SHANK1: variants seen among roughly 807,000 people sequenced by gnomAD.
SHANK1 encodes the protein SH3 and multiple ankyrin repeat domains protein 1.
Under a neutral mutation model 165.6 loss-of-function variants are expected in SHANK1, and 35 were observed. The ratio of observed to expected loss-of-function variants is 0.21; its 90% confidence interval spans 0.16 to 0.28. The LOEUF (loss-of-function observed/expected upper bound fraction) is 0.28, where lower values mean the gene tolerates loss of function less well. Among genes scored for constraint, SHANK1 ranks in the 10% least tolerant of loss-of-function variants. The pLI is 1.00. For synonymous variants in SHANK1, 1,428 were observed against 1,384.8 expected, an observed-to-expected ratio of 1.03 and a Z score of -0.69; for missense variants, 2,681 against 3,036.4, an observed-to-expected ratio of 0.88 and a Z score of 2.75.
chr19:50,708,609 A>C (rs2088973141), intron 8 of SHANK1, among the ~76,000 whole-genome samples: 1 of 151,216 alleles, frequency 6.6e-6, no homozygotes, highest in African/African-American at 2.4e-5. Context: ...AAGGATGAGG[A>C]TGGAGGATGT....
chr19:50,692,521 C>T (rs1043708213), intron 15 of SHANK1, among the ~76,000 whole-genome samples: 9 of 148,990 alleles, frequency 6.0e-5, no homozygotes, highest in South Asian at 2.1e-4. Flanking sequence ...GGTCCAACCA[C>T]ATCCAGACCC....
intron 21 of SHANK1, among the ~76,000 whole-genome samples, chr19:50,678,000 G>A (rs1986033936): frequency 6.6e-6 from 1 of 152,176 alleles, no homozygotes; most frequent in Admixed American, 6.5e-5. Flanking sequence ...AAAGATAAAG[G>A]CAGTAGAGAA....
chr19:50,691,926 C>T (rs577955736), intron 15 of SHANK1, among the ~76,000 whole-genome samples: 1 of 152,230 alleles, frequency 6.6e-6, no homozygotes, highest in South Asian at 2.1e-4. Context: ...CTTAAGCAGG[C>T]CTCCCACCTC....
intron 8 of SHANK1, among the ~76,000 whole-genome samples, chr19:50,706,174 T>A: frequency 1.9e-5 from 1 of 52,022 alleles, no homozygotes; most frequent in Non-Finnish European, 4.3e-5. Context: ...AAAGGGGGGG[T>A]TGGGGGGGCT....
At chr19:50,698,023 C>A in intron 12 of SHANK1, 67 bp from the exon 13 acceptor site, 1 of 1,127,508 alleles carries the variant, frequency 8.9e-7, no homozygotes, top group Non-Finnish European at 1.3e-6. Flanking sequence ...TGCCAACACA[C>A]TCAACTTAGA....
chr19:50,697,866 T>C lies in SHANK1; in HGVS notation c.1838A>G (p.Asn613Ser), dbSNP rs779973784. 61 of 1,613,880 alleles carry C rather than the reference T, an allele frequency of 3.8e-5. No homozygotes were observed. The highest frequency in any genetic ancestry group is 4.9e-5 in the Non-Finnish European group (58 of 1,179,954). The stretch of plus-strand genomic sequence containing the variant: ...ACCTTGCTTGCTCTCCTGAGAGCGA[T>C]TCGCCACTTCTTCCAGGCAGTCAGA... Reference protein sequence around the residue: ...FPSDCLEEVANRSQESKQESR... With the variant: ...FPSDCLEEVASRSQESKQESR... The change falls in exon 13 of 24, where the codon AAT becomes AGT. Residue 613 changes from asparagine to serine, a missense_variant. Asn to Ser is a conservative substitution (Grantham distance 46). This residue lies in a region of SHANK1 where 147 missense variants were observed against 256.5 expected (regional missense o/e 0.57). Transcript: ENST00000293441. The surrounding 1 kb of genome is among the most constrained non-coding windows in gnomAD (Gnocchi z 4.7).
In SHANK1 at chr19:50,662,055, C is replaced by T. The variant is rs1335881050; in HGVS notation, c.6396G>A (p.Leu2132=). The T allele has an allele frequency of 1.2e-6, 2 of 1,614,074 alleles. No individual in the cohort carries two copies. Among genetic ancestry groups the T allele is most frequent in the Non-Finnish European group, 1.7e-6 (2 of 1,180,048 alleles). ...CTAGATCGACGTAGTCCTCCTTGGT[C>T]AAGGCGGGCAGGTGGGAGCCATCGA... The part of the protein sequence containing the change: ...HEIDGSHLPA[L]TKEDYVDLGV... Residue 2132 remains leucine (L), a synonymous_variant, in exon 24 of 24, where the codon TTG becomes TTA. Coordinates refer to ENST00000293441, the MANE Select transcript of SHANK1 (RefSeq NM_016148.5). The surrounding 1 kb of genome is among the most constrained non-coding windows in gnomAD (Gnocchi z 7.7).
intron 23 of SHANK1, 49 bp downstream of exon 23, chr19:50,666,143 T>C (rs369466131): frequency 1.9e-5 from 28 of 1,491,360 alleles, no homozygotes; most frequent in Non-Finnish European, 2.3e-5. Context: ...GACACAGCCA[T>C]GCCATCAACA....
At position 50,668,004 on chromosome 19, in the gene SHANK1, G is replaced by A; in HGVS notation, c.3956C>T (p.Ala1319Val). The change falls in exon 23 of 24, where the codon GCC (alanine) becomes GTC (valine). Residue 1319 changes from alanine to valine, a missense_variant. Ala to Val is a moderately conservative substitution (Grantham distance 64). Coordinates refer to ENST00000293441, the MANE Select transcript of SHANK1 (RefSeq NM_016148.5). ...GYGGYGAGSR[A>V]YGGGGGSSAF... Reference sequence around the variant, plus strand: ...GCTGCTGCCCCCGCCACCCCCGTAGGCTCGGCTACCGGCCCCGTAGCCGCC... The same window carrying A: ...GCTGCTGCCCCCGCCACCCCCGTAGACTCGGCTACCGGCCCCGTAGCCGCC... 1 of 1,474,092 alleles carries A rather than the reference G, an allele frequency of 6.8e-7. No homozygotes were observed. Among genetic ancestry groups the A allele is most frequent in the Non-Finnish European group, 8.9e-7 (1 of 1,118,404 alleles). The allele number at this position is 1,474,092 out of a possible 1,614,324, so 91.3% of individuals were successfully genotyped here.
chr19:50,684,424 C>G (rs569594908), intron 21 of SHANK1, among the ~76,000 whole-genome samples: 2 of 152,170 alleles, frequency 1.3e-5, no homozygotes, highest in Non-Finnish European at 2.9e-5. Context: ...TGGGGTTTCT[C>G]CACGTTGGTC....
At chr19:50,697,000 ACCT>A in intron 15 of SHANK1, 93 bp downstream of exon 15, 1 of 1,002,664 alleles carries the variant, frequency 1.0e-6, no homozygotes, top group Non-Finnish European at 1.6e-6. Flanking sequence ...ACACCAAGAA[ACCT>A]CAGCTCTGGT....
chr19:50,664,791 G>T (rs1302465089), intron 23 of SHANK1, among the ~76,000 whole-genome samples: 1 of 152,016 alleles, frequency 6.6e-6, no homozygotes, highest in Non-Finnish European at 1.5e-5. Flanking sequence ...GTCTCACTCT[G>T]TCACCCAGGC....
rs554335230 is a variant in SHANK1 at position 50,671,288 on chromosome 19, A to G, written c.2674+730T>C. 3.7e-4 allele frequency among the ~76,000 whole-genome samples: 50 copies of G among 135,416 alleles called. 1 individual carries two copies. The highest frequency in any genetic ancestry group is 1.4e-3 in the African/African-American group (48 of 34,838). The allele number at this position is 135,416 out of a possible 152,430, so 88.8% of individuals were successfully genotyped here. A position where few individuals can be genotyped will look rare whatever the true frequency, so the allele number is the denominator to read the frequency against. ...AAGCTCTGCCTTCCGGGTTCACGCC[A>G]TTCTCCTGCCTCAGCCTCCTGAGTA... On this transcript the variant is annotated intron_variant, in intron 22 of 23. Transcript: ENST00000293441.
Position 50,667,201 on chromosome 19 carries a change from C to G in SHANK1, c.4759G>C (p.Gly1587Arg). 6.3e-7 allele frequency: 1 copy of G among 1,575,784 alleles called. No homozygotes were observed. Among genetic ancestry groups the G allele is most frequent in the Non-Finnish European group, 8.6e-7 (1 of 1,168,436 alleles). Residue 1587 changes from glycine to arginine, a missense_variant, in exon 23 of 24, where the codon GGG becomes CGG. Gly to Arg is a moderately radical substitution (Grantham distance 125). Around this residue, in one of 10 missense-constraint regions of SHANK1, gnomAD observed 1,713 missense variants for 1,630.2 expected, o/e 1.05. Coordinates refer to ENST00000293441, the MANE Select transcript of SHANK1 (RefSeq NM_016148.5). The surrounding 1 kb of genome is among the most constrained non-coding windows in gnomAD (Gnocchi z 5.7). ...FEKPESPLTP[G>R]PPHPLPDTPA... Reference sequence around the variant, plus strand: ...GTGTCGGGCAGCGGGTGGGGAGGCCCAGGCGTGAGGGGCGACTCTGGCTTT... The same window carrying G: ...GTGTCGGGCAGCGGGTGGGGAGGCCGAGGCGTGAGGGGCGACTCTGGCTTT...
At position 50,718,448 on chromosome 19, in the gene SHANK1, G is replaced by C. The variant is rs2089093667; in HGVS notation, c.-44+958C>G. ...GGCCGGTGGGATGAAAGAAAAGCTGGCTAGGGCCCCCCGCGCGTACGGCTG... is the reference window on the plus strand; with the variant it reads ...GGCCGGTGGGATGAAAGAAAAGCTGCCTAGGGCCCCCCGCGCGTACGGCTG... On this transcript the variant is annotated intron_variant, in intron 1 of 23. Coordinates refer to ENST00000293441, the MANE Select transcript of SHANK1 (RefSeq NM_016148.5). This position sits in a 1 kb window ranked among gnomAD's most constrained non-coding sequence, Gnocchi z 5.1. Among the ~76,000 whole-genome samples, 1 of 151,980 alleles carries C rather than the reference G, an allele frequency of 6.6e-6. No homozygotes were observed. Among genetic ancestry groups the C allele is most frequent in the African/African-American group, 2.4e-5 (1 of 41,372 alleles).
rs1568427409 is a variant in SHANK1, at chr19:50,667,581, A to T, written c.4379T>A (p.Leu1460Gln). 2.1e-6 allele frequency: 3 copies of T among 1,443,108 alleles called. No individual in the cohort carries two copies. Among genetic ancestry groups the T allele is most frequent in the Non-Finnish European group, 2.7e-6 (3 of 1,109,856 alleles). The allele number at this position is 1,443,108 out of a possible 1,614,324, so 89.4% of individuals were successfully genotyped here. ...GGCCGGGGGCTCCGTCCCCAGCTGC[A>T]GCAGGAGGGGCCCCACCCCGGGAGC... ...PTAPGVGPLL[L>Q]QLGTEPPAPH... Residue 1460 changes from leucine to glutamine, a missense_variant, in exon 23 of 24, where the codon CTG becomes CAG. Leu to Gln is a moderately radical substitution (Grantham distance 113). Coordinates refer to ENST00000293441, the MANE Select transcript of SHANK1 (RefSeq NM_016148.5). This position sits in a 1 kb window ranked among gnomAD's most constrained non-coding sequence, Gnocchi z 5.7.
At chr19:50,707,881 CTTT>C (rs1334357898) in intron 8 of SHANK1, among the ~76,000 whole-genome samples, 1 of 2,596 alleles carries the variant, frequency 3.9e-4, no homozygotes, top group African/African-American at 2.8e-3. Flanking sequence ...GCGTGTTTTT[CTTT>C]TCTTTTCTTT....
At chr19:50,699,006 C>T (rs1191062334) in intron 12 of SHANK1, among the ~76,000 whole-genome samples, 3 of 152,210 alleles carry the variant, frequency 2.0e-5, no homozygotes, top group African/African-American at 4.8e-5. Context: ...GAAGCTGAAG[C>T]GAATGTGGAG....
At position 50,711,421 on chromosome 19, in the gene SHANK1, G is replaced by T; in HGVS notation, c.1027C>A (p.Gln343Lys). The change falls in exon 8 of 24, where the codon CAG becomes AAG. Residue 343 changes from glutamine to lysine, a missense_variant. Physicochemically the swap from Gln to Lys is moderately conservative, Grantham distance 53. Coordinates refer to ENST00000293441, the MANE Select transcript of SHANK1 (RefSeq NM_016148.5). ...AGAGCCGTGTTCCCCGAGGCGTTCT[G>T]GGCTCCAGGCTCAGCCCCGTAGAAA... is the stretch of plus-strand genomic sequence containing the variant. ...LLFYGAEPGAQNASGNTALHI... is the reference protein window; with the variant it reads ...LLFYGAEPGAKNASGNTALHI... 1 of 1,562,222 alleles carries T rather than the reference G, an allele frequency of 6.4e-7. No individual in the cohort carries two copies.
Sources: gnomAD v4.1 joint callset for allele counts (sites outside exome capture counted in the v4.1 genomes callset) on GRCh38, gnomAD v4.1.1 for gene constraint, gnomAD v4.1.1 regional missense constraint, Gnocchi (gnomAD v3.1) non-coding constraint, MANE v1.5 for transcripts, NCBI Gene and HGNC (gene_info 2026-07-23, HGNC 2026-07-21) for gene names.